Variants in WBP4 observed in about 807,000 individuals in gnomAD.
The protein encoded by WBP4 is WW domain binding protein 4, also known as WW domain-binding protein 4.
In WBP4, 37 loss-of-function variants were observed where a neutral mutation model predicts 55.4. The ratio of observed to expected loss-of-function variants is 0.67; its 90% CI spans 0.51 to 0.88. The LOEUF is 0.88. Ranked by LOEUF, WBP4 falls within the 40% of genes least tolerant of loss-of-function variation. The pLI is 0.00. For synonymous variants in WBP4, 142 were observed against 140.2 expected (o/e 1.01, Z -0.09); for missense variants, 398 against 420.8 (o/e 0.95, Z 0.47).
intron 8 of WBP4, among the ~76,000 whole-genome samples, chr13:41,079,423 A>G (rs1348864918): frequency 1.3e-5 from 2 of 151,814 alleles, no homozygotes; most frequent in Non-Finnish European, 2.9e-5. Context: ...TGCAAAAGAA[A>G]TTAGCCGAGC....
At chr13:41,064,616 T>A (rs1877863396) in intron 2 of WBP4, among the ~76,000 whole-genome samples, 1 of 152,202 alleles carries the variant, frequency 6.6e-6, no homozygotes, top group Admixed American at 6.5e-5. Flanking sequence ...TCCCTCCTTG[T>A]GACAAATAGA....
intron 4 of WBP4, among the ~76,000 whole-genome samples, chr13:41,067,647 C>G (rs1489289915): frequency 6.6e-6 from 1 of 152,132 alleles, no homozygotes; most frequent in South Asian, 2.1e-4. Flanking sequence ...TATGATTGCA[C>G]CACTGCACTC....
chr13:41,077,636 G>T (rs1335349471), intron 8 of WBP4, among the ~76,000 whole-genome samples: 1 of 152,200 alleles, frequency 6.6e-6, no homozygotes, highest in African/African-American at 2.4e-5. Context: ...GCTAGCCTGA[G>T]CAGTCAGGCA....
chr13:41,061,723 C>G (rs761522646), intron 1 of WBP4, 48 bp downstream of exon 1: 1 of 1,612,700 alleles, frequency 6.2e-7, no homozygotes, highest in South Asian at 1.1e-5. Flanking sequence ...TTTCTCTGGG[C>G]CGCCCTTTCT....
Position 41,065,178 on chromosome 13 carries a change from C to T in WBP4, c.153C>T (p.Ser51=). The T allele has an allele frequency of 6.2e-7, 1 of 1,611,772 alleles. No homozygotes were observed. ...AKRISEIKQK[S]LDKAKEEEKA... is the part of the protein sequence containing the mutation. Reference sequence around the variant, plus strand: ...GTCTTACATAGATTAAACAGAAAAGCCTGGATAAGGCAAAGGAAGAAGAAA... The same window carrying T: ...GTCTTACATAGATTAAACAGAAAAGTCTGGATAAGGCAAAGGAAGAAGAAA... The change falls in exon 4 of 10, where the codon AGC becomes AGT. Residue 51 remains serine (S), a synonymous_variant. Transcript: ENST00000379487.
chr13:41,062,698 G>T lies in WBP4; in HGVS notation c.57G>T (p.Trp19Cys). The change falls in exon 2 of 10, where the codon TGG (tryptophan) becomes TGT (cysteine). Residue 19 changes from tryptophan to cysteine, a missense_variant. By Grantham distance (215) the Trp-to-Cys change is radical. Transcript: ENST00000379487. ...AATTCTGTGATTACTGCAAGTGCTGGATAGCAGACAATAGGCCTGTATGAT... is the reference window on the plus strand; with the variant it reads ...AATTCTGTGATTACTGCAAGTGCTGTATAGCAGACAATAGGCCTGTATGAT... ...PKKFCDYCKC[W>C]IADNRPSVEF... 6.2e-7 allele frequency: 1 copy of T among 1,613,554 alleles called. No homozygotes were observed. The highest frequency in any genetic ancestry group is 1.1e-5 in the South Asian group (1 of 91,000).
At chr13:41,073,423 G>A (rs1262235342) in intron 7 of WBP4, among the ~76,000 whole-genome samples, 1 of 151,888 alleles carries the variant, frequency 6.6e-6, no homozygotes, top group Non-Finnish European at 1.5e-5. Context: ...GCTGAGACAG[G>A]AGAATCTTGT....
At chr13:41,080,848 T>C (rs1376489230) in intron 9 of WBP4, 39 bp downstream of exon 9, 1 of 1,565,856 alleles carries the variant, frequency 6.4e-7, no homozygotes. Context: ...TTATTACAAG[T>C]GATTTTACAT....
At position 41,065,088 on chromosome 13, in the gene WBP4, ATTGT is replaced by A. The variant is rs747804376; in HGVS notation, c.138+13_138+16del. ...AAAAAGGATCAGTGAGGTAATTTAG[ATTGT>A]TTATTTGCTAATTTTTCTATGCAAA... On this transcript the variant is annotated intron_variant, in intron 3 of 9. Transcript: ENST00000379487. 1.2e-4 allele frequency: 186 copies of A among 1,600,528 alleles called. No individual in the cohort carries two copies. The highest frequency in any genetic ancestry group is 1.3e-4 in the Non-Finnish European group (153 of 1,176,620).
chr13:41,081,143 G>A (rs1878756672), intron 9 of WBP4, among the ~76,000 whole-genome samples: 1 of 152,076 alleles, frequency 6.6e-6, no homozygotes, highest in Non-Finnish European at 1.5e-5. Flanking sequence ...GTTGCAGTGA[G>A]CTGAAATCGC....
At chr13:41,069,736 A>G (rs968606664) in intron 5 of WBP4, among the ~76,000 whole-genome samples, 2 of 147,196 alleles carry the variant, frequency 1.4e-5, no homozygotes, top group Non-Finnish European at 3.0e-5. Context: ...AAAGTAGCCA[A>G]GCGAGGTGGC....
chr13:41,072,782 A>C lies in WBP4; in HGVS notation c.487A>C (p.Thr163Pro). 1 of 1,612,910 alleles carries C rather than the reference A, an allele frequency of 6.2e-7. No homozygotes were observed. Among genetic ancestry groups the C allele is most frequent in the Non-Finnish European group, 8.5e-7 (1 of 1,179,518 alleles). The change falls in exon 7 of 10, where the codon ACA (threonine) becomes CCA (proline). Residue 163 changes from threonine (T) to proline (P), a missense_variant and splice_region_variant. Physicochemically the swap from Thr to Pro is conservative, Grantham distance 38. Transcript: ENST00000379487. Reference protein sequence around the residue: ...PEGFQGDLKKTAVKTVWVEGL... With the variant: ...PEGFQGDLKKPAVKTVWVEGL... ...TGCTGGGTTTTTTTCCTCCTATTAG[A>C]CAGCAGTGAAGACCGTTTGGGTAGA...
At chr13:41,061,709 G>A (rs1322822477) in intron 1 of WBP4, 34 bp downstream of exon 1, 5 of 1,613,612 alleles carry the variant, frequency 3.1e-6, no homozygotes, top group Non-Finnish European at 4.2e-6. Context: ...ACAACGAGGT[G>A]TTGTTTCTCT....
intron 9 of WBP4, among the ~76,000 whole-genome samples, chr13:41,082,381 T>TG (rs1209409967): frequency 6.6e-6 from 1 of 152,168 alleles, no homozygotes; most frequent in African/African-American, 2.4e-5. Flanking sequence ...CTCAAAGTGC[T>TG]GGGATTACAA....
At chr13:41,076,330 G>A (rs1225154236) in intron 8 of WBP4, 93 bp downstream of exon 8, 8 of 1,008,780 alleles carry the variant, frequency 7.9e-6, no homozygotes, top group Non-Finnish European at 9.4e-6. Context: ...CCAGGCTGGA[G>A]TACAGTGGCA....
At chr13:41,074,787 G>A (rs1180076872) in intron 7 of WBP4, among the ~76,000 whole-genome samples, 1 of 152,120 alleles carries the variant, frequency 6.6e-6, no homozygotes, top group Non-Finnish European at 1.5e-5. Context: ...TTGAGGTCAG[G>A]AGCTCGTGAC....
chr13:41,071,574 G>T lies in WBP4; in HGVS notation c.486+1G>T, dbSNP rs1566211040. The stretch of plus-strand genomic sequence containing the variant: ...AGGATTTCAAGGAGACTTAAAAAAG[G>T]TAATTGAAGCATATTAATAGTGTTT... On this transcript the variant is annotated splice_donor_variant, in intron 6 of 9. Coordinates refer to ENST00000379487, the MANE Select transcript of WBP4 (RefSeq NM_007187.5). LOFTEE classifies it high-confidence loss of function. 6.2e-7 allele frequency: 1 copy of T among 1,608,324 alleles called. No individual in the cohort carries two copies. Among genetic ancestry groups the T allele is most frequent in the Non-Finnish European group, 8.5e-7 (1 of 1,177,222 alleles).
rs763808769 is a variant in WBP4 at position 41,082,965 on chromosome 13, C to T, written c.*51C>T. 1.9e-5 allele frequency: 29 copies of T among 1,533,072 alleles called. No individual in the cohort carries two copies. The highest frequency in any genetic ancestry group is 2.6e-5 in the Non-Finnish European group (29 of 1,117,132). 95.0% of individuals were successfully genotyped at this position (1,533,072 alleles called of 1,614,324 possible). A position where few individuals can be genotyped will look rare whatever the true frequency, so the allele number is the denominator to read the frequency against. On this transcript the variant is annotated 3_prime_UTR_variant, in exon 10 of 10. Transcript: ENST00000379487. ...TTTTAGGACAGAATGGAGACTTATA[C>T]ACCCAAAGTTTATCTGTGTTTGTTT...
intron 8 of WBP4, among the ~76,000 whole-genome samples, chr13:41,079,037 A>G (rs1425149324): frequency 6.6e-6 from 1 of 152,200 alleles, no homozygotes; most frequent in Non-Finnish European, 1.5e-5. Flanking sequence ...ACATATTGGG[A>G]AAAACTGTTT....
Sources: gnomAD v4.1 joint callset for allele counts (sites outside exome capture counted in the v4.1 genomes callset) on GRCh38, gnomAD v4.1.1 for gene constraint, MANE v1.5 for transcripts, NCBI Gene and HGNC (gene_info 2026-07-23, HGNC 2026-07-21) for gene names.